AKAP9: variants seen among roughly 807,000 people sequenced by gnomAD.
AKAP9 encodes A-kinase anchoring protein 9, also known as A-kinase anchor protein 9.
Under a neutral mutation model 488.5 loss-of-function variants are expected in AKAP9, and 311 were observed. The observed-to-expected ratio is 0.64, with a 90% CI of 0.58 to 0.70. The LOEUF (loss-of-function observed/expected upper bound fraction) is 0.70. Among genes scored for constraint, AKAP9 ranks in the 30% least tolerant of loss-of-function variants. The probability of loss-of-function intolerance (pLI) is 0.00; values close to 1 mark genes in which losing one functional copy is unlikely to be tolerated. For missense variants in AKAP9, 4,215 were observed against 4,374.5 expected (o/e 0.96, Z 1.03); for synonymous variants, 1,462 against 1,483.5 (o/e 0.99, Z 0.33).
intron 1 of AKAP9, among the ~76,000 whole-genome samples, chr7:91,942,004 A>G (rs569458150): frequency 6.6e-6 from 1 of 152,292 alleles, no homozygotes; most frequent in East Asian, 1.9e-4. Flanking sequence ...TTTAACATAT[A>G]CAGAATATAA....
chr7:92,102,512 T>C, intron 45 of AKAP9, 82 bp from the exon 46 acceptor site: 1 of 1,148,028 alleles, frequency 8.7e-7, no homozygotes, highest in Non-Finnish European at 1.3e-6. Context: ...CCACTACTTG[T>C]TAAAATCTAG....
chr7:92,009,082 G>A (rs1800336877), intron 8 of AKAP9, among the ~76,000 whole-genome samples: 1 of 152,014 alleles, frequency 6.6e-6, no homozygotes, highest in Admixed American at 6.6e-5. Flanking sequence ...GCTTCGGATG[G>A]CTGAGACAGG....
chr7:92,010,386 T>A (rs559291576), intron 8 of AKAP9, among the ~76,000 whole-genome samples: 1 of 152,374 alleles, frequency 6.6e-6, no homozygotes, highest in African/African-American at 2.4e-5. Flanking sequence ...CACAAGTGTG[T>A]TGACTCAAAG....
chr7:92,086,123 A>G (rs991896117), intron 36 of AKAP9, 105 bp from the exon 37 acceptor site: 8 of 949,168 alleles, frequency 8.4e-6, no homozygotes, highest in African/African-American at 6.7e-5. Flanking sequence ...AGAAGTACAC[A>G]TGCTCCTAGG....
rs1163440767 is a variant in AKAP9, at chr7:92,070,990, T to A, written c.6593T>A (p.Ile2198Lys). The A allele has an allele frequency of 1.2e-6, 2 of 1,613,270 alleles. No individual in the cohort carries two copies. The highest frequency in any genetic ancestry group is 1.7e-6 in the Non-Finnish European group (2 of 1,179,428). ...EVQLQAERDAIDRKEKEITNL... is the reference protein window; with the variant it reads ...EVQLQAERDAKDRKEKEITNL... ...CAATTGCAGGCTGAACGAGATGCCA[T>A]AGACAGAAAGGAAAAAGAGGTAAGG... Residue 2198 changes from isoleucine to lysine, a missense_variant, in exon 28 of 50, where the codon ATA (isoleucine) becomes AAA (lysine). This residue lies in a region of AKAP9 where 51 missense variants were observed against 87.3 expected (regional missense o/e 0.58). Transcript: ENST00000356239.
At chr7:92,044,580 A>G (rs560464704) in intron 20 of AKAP9, among the ~76,000 whole-genome samples, 6 of 152,364 alleles carry the variant, frequency 3.9e-5, no homozygotes, top group South Asian at 4.1e-4. Flanking sequence ...TAACATATAG[A>G]AAGATTTAAA....
At chr7:91,988,297 CAAAAAAAAAAAAA>C (rs5885797) in intron 3 of AKAP9, among the ~76,000 whole-genome samples, 4 of 53,656 alleles carry the variant, frequency 7.5e-5, no homozygotes, top group East Asian at 1.0e-3. Context: ...GACCCCCTCT[CAAAAAAAAAAAAA>C]AAAAAAAAAA....
intron 7 of AKAP9, among the ~76,000 whole-genome samples, chr7:92,000,101 A>G (rs575021959): frequency 1.3e-5 from 2 of 152,254 alleles, no homozygotes; most frequent in Non-Finnish European, 2.9e-5. Context: ...CATAACAGAT[A>G]TGCCTTGGCC....
At chr7:92,046,286 C>T (rs1378863191) in intron 21 of AKAP9, among the ~76,000 whole-genome samples, 2 of 152,182 alleles carry the variant, frequency 1.3e-5, no homozygotes, top group Non-Finnish European at 2.9e-5. Context: ...TCCTGGCTCA[C>T]AAGATCAAGC....
chr7:92,110,315 C>A lies in AKAP9; in HGVS notation c.*156C>A. 1.6e-6 allele frequency: 1 copy of A among 642,702 alleles called. No homozygotes were observed. Among genetic ancestry groups the A allele is most frequent in the Non-Finnish European group, 2.7e-6 (1 of 365,216 alleles). The allele number at this position is 642,702 out of a possible 1,614,324, so 39.8% of individuals were successfully genotyped here. A position where few individuals can be genotyped will look rare whatever the true frequency, so the allele number is the denominator to read the frequency against. ...TCCCTTGCCAGCACATGAAAACAAACTGGAATTTGTATATATAAGCATTGT... is the reference window on the plus strand; with the variant it reads ...TCCCTTGCCAGCACATGAAAACAAAATGGAATTTGTATATATAAGCATTGT... On this transcript the variant is annotated 3_prime_UTR_variant, in exon 50 of 50. Transcript: ENST00000356239.
At position 91,977,188 on chromosome 7, in the gene AKAP9, A is replaced by T. The variant is rs1015230072; in HGVS notation, c.307-3101A>T. ...GGTGGGAGAATCGCTTGAGCCCAAG[A>T]GGTGGAGGCTGCAGCAAGCTGTGAT... On this transcript the variant is annotated intron_variant, in intron 2 of 49. Coordinates refer to ENST00000356239, the MANE Select transcript of AKAP9 (RefSeq NM_005751.5). 9.2e-5 allele frequency among the ~76,000 whole-genome samples: 14 copies of T among 152,296 alleles called. No homozygotes were observed. In the South Asian group the frequency reaches 2.9e-3, roughly 32 times the overall value.
In AKAP9 at chr7:92,063,060, T is replaced by C. The variant is rs140833874; in HGVS notation, c.5977+574T>C. Among the ~76,000 whole-genome samples the C allele has an allele frequency of 3.7e-3, 549 of 146,820 alleles. 4 individuals carry two copies. Among genetic ancestry groups the C allele is most frequent in the African/African-American group, 0.014 (534 of 38,984 alleles). On this transcript the variant is annotated intron_variant, in intron 24 of 49. Coordinates refer to ENST00000356239, the MANE Select transcript of AKAP9 (RefSeq NM_005751.5). ...AAGTGAAAGTTTGTTTAGCAGTAAA[T>C]GTCAGTCTTGGTAATGATGGAACTT...
intron 39 of AKAP9, among the ~76,000 whole-genome samples, chr7:92,093,791 C>T (rs1232878048): frequency 6.6e-6 from 1 of 151,912 alleles, no homozygotes; most frequent in African/African-American, 2.4e-5. Flanking sequence ...TGGTGATTCC[C>T]ATGTTCAGTA....
Position 91,941,412 on chromosome 7 carries a change from C to CT in AKAP9, c.48+265_48+266insT, listed in dbSNP as rs1284076626. Among the ~76,000 whole-genome samples the CT allele has an allele frequency of 4.6e-4, 70 of 152,322 alleles. 1 individual carries two copies. Among genetic ancestry groups the CT allele is most frequent in the Non-Finnish European group, 1.6e-4 (11 of 68,028 alleles). On this transcript the variant is annotated intron_variant, in intron 1 of 49. Coordinates refer to ENST00000356239, the MANE Select transcript of AKAP9 (RefSeq NM_005751.5). ...CTCGTGAATGTCCAAATAAAACTCC[C>CT]CTTTTACTGTATTGCTGTAAACTAG...
intron 26 of AKAP9, among the ~76,000 whole-genome samples, chr7:92,067,158 T>A (rs1474769183): frequency 6.6e-6 from 1 of 152,220 alleles, no homozygotes; most frequent in Non-Finnish European, 1.5e-5. Context: ...CAAAACTTAC[T>A]CTTGGGCCCC....
chr7:91,941,192 C>T (rs767478980), intron 1 of AKAP9, 45 bp downstream of exon 1: 2 of 1,587,556 alleles, frequency 1.3e-6, no homozygotes, highest in Non-Finnish European at 1.7e-6. Flanking sequence ...GAGGCGGTGG[C>T]TAGCACGGGG....
chr7:92,049,744 A>G (rs1807607254), intron 21 of AKAP9, among the ~76,000 whole-genome samples: 1 of 152,058 alleles, frequency 6.6e-6, no homozygotes, highest in African/African-American at 2.4e-5. Flanking sequence ...CAGATTGTTT[A>G]TACTTTCAAA....
Position 92,002,179 on chromosome 7 carries a change from G to C in AKAP9, c.2262G>C (p.Leu754Phe). Residue 754 changes from leucine (L) to phenylalanine (F), a missense_variant, in exon 8 of 50, where the codon TTG (leucine) becomes TTC (phenylalanine). Around this residue, in one of 5 missense-constraint regions of AKAP9, gnomAD observed 2,361 missense variants for 2,430.0 expected, o/e 0.97. Coordinates refer to ENST00000356239, the MANE Select transcript of AKAP9 (RefSeq NM_005751.5). ...EVQELQLKTE[L>F]LEKQMKEKEN... ...AAGAATTACAACTTAAAACAGAATT[G>C]TTAGAAAAACAGATGAAGGAAAAAG... 4 of 1,593,478 alleles carry C rather than the reference G, an allele frequency of 2.5e-6. No individual in the cohort carries two copies. The highest frequency in any genetic ancestry group is 2.6e-6 in the Non-Finnish European group (3 of 1,174,452).
intron 39 of AKAP9, among the ~76,000 whole-genome samples, chr7:92,093,536 G>A (rs574774915): frequency 2.6e-5 from 4 of 152,288 alleles, no homozygotes; most frequent in Non-Finnish European, 5.9e-5. Context: ...TCAGTTCTGT[G>A]TGAGACTTGT....
Sources: gnomAD v4.1 joint callset for allele counts (sites outside exome capture counted in the v4.1 genomes callset) on GRCh38, gnomAD v4.1.1 for gene constraint, gnomAD v4.1.1 regional missense constraint, MANE v1.5 for transcripts, NCBI Gene and HGNC (gene_info 2026-07-23, HGNC 2026-07-21) for gene names.